SYF2: variants seen among roughly 807,000 people sequenced by gnomAD.
SYF2 encodes the protein SYF2 pre-mRNA splicing factor.
Under a neutral mutation model 32.7 loss-of-function variants are expected in SYF2, and 21 were observed. The ratio of observed to expected loss-of-function variants is 0.64; its 90% CI spans 0.45 to 0.92. The LOEUF is 0.92. Among genes scored for constraint, SYF2 ranks in the 40% least tolerant of loss-of-function variants. The pLI, the probability that SYF2 is intolerant of heterozygous loss-of-function variation, is 0.00. For synonymous variants in SYF2, 114 were observed against 103.9 expected (o/e 1.10, Z -0.59); for missense variants, 278 against 296.5 (o/e 0.94, Z 0.46).
chr1:25,231,943 A>C (rs1309379731), intron 2 of SYF2, 161 bp downstream of exon 2: 1 of 740,782 alleles, frequency 1.3e-6, no homozygotes, highest in African/African-American at 1.7e-5. Flanking sequence ...AATGATCCCA[A>C]TGTGCTGCCA....
At position 25,229,136 on chromosome 1, in the gene SYF2, C is replaced by T. The variant is rs1638576667; in HGVS notation, c.133-13G>A. 2.5e-6 allele frequency: 4 copies of T among 1,606,682 alleles called. No individual in the cohort carries two copies. Among genetic ancestry groups the T allele is most frequent in the Non-Finnish European group, 3.4e-6 (4 of 1,177,830 alleles). ...TACGAGCTTCATTCTAAAACCGTAA[C>T]ACAAGAAGTCTGTCAGCTAAAACAT... On this transcript the variant is annotated splice_polypyrimidine_tract_variant and intron_variant, in intron 2 of 6. Transcript: ENST00000236273.
intron 3 of SYF2, 130 bp from the exon 4 acceptor site, chr1:25,228,365 C>A: frequency 2.5e-6 from 2 of 797,304 alleles, no homozygotes; most frequent in South Asian, 3.6e-5. Flanking sequence ...GAGTTTCACT[C>A]ACTCTGTCAC....
intron 5 of SYF2, among the ~76,000 whole-genome samples, chr1:25,225,751 G>T (rs1304953915): frequency 6.6e-6 from 1 of 151,138 alleles, no homozygotes; most frequent in Non-Finnish European, 1.5e-5. Flanking sequence ...CCAGCTACTT[G>T]GGAGGCTGAG....
rs752330138 is a variant in SYF2 at position 25,223,405 on chromosome 1, C to A, written c.593G>T (p.Arg198Leu). 6.2e-7 allele frequency: 1 copy of A among 1,607,564 alleles called. No individual in the cohort carries two copies. The highest frequency in any genetic ancestry group is 1.7e-5 in the Admixed American group (1 of 58,232). The change falls in exon 7 of 7, where the codon CGG becomes CTG. Residue 198 changes from arginine to leucine, a missense_variant. Physicochemically the swap from Arg to Leu is moderately radical, Grantham distance 102. Coordinates refer to ENST00000236273, the MANE Select transcript of SYF2 (RefSeq NM_015484.5). ...TGCATCATCATTATAAGGACGTCTC[C>A]GGCTATATTTGTCTCGTTTTTCAAT... is the stretch of plus-strand genomic sequence containing the variant. ...KQIEKRDKYS[R>L]RRPYNDDADI... is the part of the protein sequence containing the mutation.
Position 25,225,062 on chromosome 1 carries a change from T to G in SYF2, c.506A>C (p.His169Pro). ...EFFPTSNSLL[H>P]GTHVPSTEEI... The stretch of plus-strand genomic sequence containing the variant: ...CTCTGTGGAAGGCACATGTGTTCCA[T>G]GAAGAAGACTATTGGATGTTGGGAA... The change falls in exon 6 of 7, where the codon CAT becomes CCT. Residue 169 changes from histidine to proline, a missense_variant. Physicochemically the swap from His to Pro is moderately conservative, Grantham distance 77. Transcript: ENST00000236273. The G allele has an allele frequency of 6.2e-7, 1 of 1,614,096 alleles. No homozygotes were observed. The highest frequency in any genetic ancestry group is 8.5e-7 in the Non-Finnish European group (1 of 1,179,978).
chr1:25,231,234 T>G (rs1282137406), intron 2 of SYF2: 1 of 152,256 alleles, frequency 6.6e-6, no homozygotes, highest in African/African-American at 2.4e-5. Context: ...TTGAAAAGTC[T>G]TCTTTGTTTT....
At chr1:25,227,996 G>A in intron 4 of SYF2, 122 bp downstream of exon 4, 1 of 766,386 alleles carries the variant, frequency 1.3e-6, no homozygotes, top group African/African-American at 1.7e-5. Context: ...ACTTTTCTTG[G>A]TCTTAAGCCT....
chr1:25,223,479 G>T, intron 6 of SYF2, 48 bp from the exon 7 acceptor site: 1 of 1,570,488 alleles, frequency 6.4e-7, no homozygotes, highest in Non-Finnish European at 8.7e-7. Context: ...CTTCTCTTTT[G>T]ATCTTAATAA....
rs575883294 is a variant in SYF2 at position 25,225,227 on chromosome 1, T to G, written c.468-127A>C. On this transcript the variant is annotated intron_variant, in intron 5 of 6. Coordinates refer to ENST00000236273, the MANE Select transcript of SYF2 (RefSeq NM_015484.5). ...TTACTGTGAGATCCTACTTTAATTT[T>G]TTTTTAAAAAAACATACAGGCTGGG... The G allele has an allele frequency of 8.9e-5, 60 of 672,548 alleles. No homozygotes were observed. The South Asian group carries it at 1.0e-3, about 11-fold the overall frequency. 41.7% of individuals were successfully genotyped at this position (672,548 alleles called of 1,614,324 possible). A position where few individuals can be genotyped will look rare whatever the true frequency, so the allele number is the denominator to read the frequency against.
At chr1:25,229,632 A>G (rs1638587433) in intron 2 of SYF2, among the ~76,000 whole-genome samples, 1 of 152,072 alleles carries the variant, frequency 6.6e-6, no homozygotes, top group East Asian at 1.9e-4. Flanking sequence ...AAAATTAGCG[A>G]GGCATGGTGG....
At position 25,228,323 on chromosome 1, in the gene SYF2, C is replaced by T; in HGVS notation, c.259-88G>A. ...ACATCAAGAAAGATCCAATAAATAT[C>T]AACCAATACTTTAATAGTATTTTTT... On this transcript the variant is annotated intron_variant, in intron 3 of 6. Transcript: ENST00000236273. The T allele has an allele frequency of 3.6e-6, 4 of 1,123,034 alleles. No individual in the cohort carries two copies. In the South Asian group the frequency reaches 5.4e-5, roughly 15 times the overall value. 69.6% of individuals were successfully genotyped at this position (1,123,034 alleles called of 1,614,324 possible). A position where few individuals can be genotyped will look rare whatever the true frequency, so the allele number is the denominator to read the frequency against.
intron 2 of SYF2, among the ~76,000 whole-genome samples, chr1:25,229,962 G>T (rs946641714): frequency 1.3e-5 from 2 of 152,068 alleles, no homozygotes; most frequent in Non-Finnish European, 2.9e-5. Flanking sequence ...GGTTACAAGC[G>T]TGTGCCACAA....
chr1:25,231,226 GAA>G (rs763296545), intron 2 of SYF2: 7 of 152,180 alleles, frequency 4.6e-5, no homozygotes, highest in African/African-American at 7.2e-5. Flanking sequence ...CTTGTAATTT[GAA>G]AAGTCTTCTT....
chr1:25,223,246 A>G lies in SYF2; in HGVS notation c.*20T>C, dbSNP rs1045554. 25,500 of 1,590,940 alleles carry G rather than the reference A, an allele frequency of 0.016. 3,069 individuals carry two copies. In the African/African-American group the frequency reaches 0.28, roughly 17 times the overall value. ...ATTTTTACCCCATTCTCAAGCTTCT[A>G]TAAACAGTTCTTGAAGGGATTAGAC... On this transcript the variant is annotated 3_prime_UTR_variant, in exon 7 of 7. Coordinates refer to ENST00000236273, the MANE Select transcript of SYF2 (RefSeq NM_015484.5).
chr1:25,228,369 CTG>C, intron 3 of SYF2, 134 bp from the exon 4 acceptor site: 1 of 781,052 alleles, frequency 1.3e-6, no homozygotes, highest in Non-Finnish European at 2.0e-6. Context: ...TTCACTCACT[CTG>C]TCACGCAGGC....
chr1:25,228,871 A>G (rs1483326027), intron 3 of SYF2, 127 bp downstream of exon 3: 2 of 1,155,786 alleles, frequency 1.7e-6, no homozygotes, highest in East Asian at 2.4e-5. Flanking sequence ...GTTGGTACTG[A>G]GCAGAGCCAG....
chr1:25,232,157 C>T lies in SYF2; in HGVS notation c.79G>A (p.Ala27Thr). Residue 27 changes from alanine (A) to threonine (T), a missense_variant, in exon 2 of 7, where the codon GCT becomes ACT. By Grantham distance (58) the Ala-to-Thr change is moderately conservative (BLOSUM62 0). Coordinates refer to ENST00000236273, the MANE Select transcript of SYF2 (RefSeq NM_015484.5). ...GSLAAAAELAAQKREQRLRKF... is the reference protein window; with the variant it reads ...GSLAAAAELATQKREQRLRKF... Reference sequence around the variant, plus strand: ...CGCAGTCTCTGTTCGCGCTTCTGAGCGGCCAGCTCCGCCGCCGCAGCGAGG... The same window carrying T: ...CGCAGTCTCTGTTCGCGCTTCTGAGTGGCCAGCTCCGCCGCCGCAGCGAGG... The T allele has an allele frequency of 6.2e-7, 1 of 1,613,838 alleles. No individual in the cohort carries two copies. The highest frequency in any genetic ancestry group is 8.5e-7 in the Non-Finnish European group (1 of 1,179,982).
intron 4 of SYF2, 146 bp from the exon 5 acceptor site, chr1:25,227,678 G>C: frequency 1.4e-6 from 1 of 694,782 alleles, no homozygotes; most frequent in Non-Finnish European, 2.3e-6. Context: ...TCAGATTTTG[G>C]AATATCTTTA....
At position 25,223,052 on chromosome 1, in the gene SYF2, T is replaced by A; in HGVS notation, c.*214A>T. 1 of 414,322 alleles carries A rather than the reference T, an allele frequency of 2.4e-6. No individual in the cohort carries two copies. 25.7% of individuals were successfully genotyped at this position (414,322 alleles called of 1,614,324 possible). On this transcript the variant is annotated 3_prime_UTR_variant, in exon 7 of 7. Coordinates refer to ENST00000236273, the MANE Select transcript of SYF2 (RefSeq NM_015484.5). ...AAAGTAGATTACAAAACAACTTCAC[T>A]ACAAGAAATACATCTTATATCCAAG...
Sources: allele counts gnomAD v4.1 joint callset (sites outside exome capture counted in the v4.1 genomes callset), GRCh38; gene constraint gnomAD v4.1.1; transcripts MANE v1.5; gene names NCBI Gene and HGNC (gene_info 2026-07-23, HGNC 2026-07-21).